The following NEK11 variants were observed in gnomAD, a reference collection of about 807,000 sequenced individuals.
NEK11 encodes serine/threonine-protein kinase Nek11.
Under a neutral mutation model 80.7 loss-of-function variants are expected in NEK11, and 72 were observed. The observed-to-expected ratio is 0.89, with a 90% CI of 0.74 to 1.08. NEK11 has a LOEUF of 1.08. Among genes scored for constraint, NEK11 ranks in the 50% least tolerant of loss-of-function variants. The pLI is 0.00. For missense variants in NEK11, 764 were observed against 763.6 expected (o/e 1.00, Z -0.01); for synonymous variants, 251 against 260.7 (o/e 0.96, Z 0.36).
intron 16 of NEK11, among the ~76,000 whole-genome samples, chr3:131,259,841 G>A (rs1309356603): frequency 6.6e-6 from 1 of 152,212 alleles, no homozygotes; most frequent in Admixed American, 6.5e-5. Flanking sequence ...AGCTGGGGTA[G>A]CAAGTTCTTC....
chr3:131,127,918 TTTTA>T, intron 5 of NEK11, among the ~76,000 whole-genome samples: 1 of 152,328 alleles, frequency 6.6e-6, no homozygotes, highest in South Asian at 2.1e-4. Flanking sequence ...GGGTTTAGTT[TTTTA>T]CTAAGATACC....
intron 3 of NEK11, among the ~76,000 whole-genome samples, chr3:131,069,743 C>T (rs953018591): frequency 4.6e-5 from 7 of 150,918 alleles, no homozygotes; most frequent in East Asian, 1.9e-4. Context: ...AACTAAACAC[C>T]GCATATTCTC....
At chr3:131,163,221 G>A (rs146413707) in intron 11 of NEK11, among the ~76,000 whole-genome samples, 1 of 152,176 alleles carries the variant, frequency 6.6e-6, no homozygotes, top group African/African-American at 2.4e-5. Context: ...ATATGATCTG[G>A]CAATCCTACA....
In NEK11 at chr3:131,297,868, G is replaced by A. The variant is rs942367533; in HGVS notation, c.1718+24294G>A. On this transcript the variant is annotated intron_variant, in intron 17 of 17. Transcript: ENST00000383366. ...AGGTGTAAGGAAGGGATCCAGTTTC[G>A]GCTTTCTACATATGGCTAGCCAGTT... Among the ~76,000 whole-genome samples the A allele has an allele frequency of 1.2e-3, 178 of 151,998 alleles. 2 individuals are homozygous for A. Among genetic ancestry groups the A allele is most frequent in the South Asian group, 9.6e-3 (46 of 4,800 alleles).
chr3:131,241,313 T>C (rs1427071233), intron 15 of NEK11, among the ~76,000 whole-genome samples: 1 of 152,134 alleles, frequency 6.6e-6, no homozygotes, highest in Non-Finnish European at 1.5e-5. Flanking sequence ...TGTGTAAAGA[T>C]AGTCATTGCA....
intron 14 of NEK11, among the ~76,000 whole-genome samples, chr3:131,183,435 TC>T (rs1359981898): frequency 2.0e-5 from 3 of 152,144 alleles, no homozygotes; most frequent in Non-Finnish European, 4.4e-5. Flanking sequence ...ATTCTCTCCC[TC>T]CCCCTGGCCC....
intron 16 of NEK11, among the ~76,000 whole-genome samples, chr3:131,271,050 C>T (rs962898094): frequency 3.3e-5 from 5 of 152,160 alleles, no homozygotes; most frequent in African/African-American, 1.2e-4. Context: ...ACTCCCCAAG[C>T]TTCCTGGGGA....
At chr3:131,163,372 TGTG>T (rs2091867600) in intron 11 of NEK11, among the ~76,000 whole-genome samples, 1 of 152,128 alleles carries the variant, frequency 6.6e-6, no homozygotes, top group Non-Finnish European at 1.5e-5. Flanking sequence ...ATAAATAAAA[TGTG>T]GTATAAATAC....
chr3:131,045,114 G>A (rs1257461801), intron 3 of NEK11, among the ~76,000 whole-genome samples: 3 of 152,118 alleles, frequency 2.0e-5, no homozygotes, highest in African/African-American at 7.2e-5. Context: ...GACACAGCTA[G>A]GGCAGTGTTT....
intron 17 of NEK11, among the ~76,000 whole-genome samples, chr3:131,313,705 C>A (rs1432867949): frequency 6.6e-6 from 1 of 152,142 alleles, no homozygotes; most frequent in Non-Finnish European, 1.5e-5. Context: ...TGTCTCCATG[C>A]AAAATTTTGC....
chr3:131,171,919 A>G (rs138685296), intron 14 of NEK11, among the ~76,000 whole-genome samples: 2 of 152,338 alleles, frequency 1.3e-5, no homozygotes, highest in Admixed American at 1.3e-4. Flanking sequence ...AGCAGATGCT[A>G]AGACTAGACT....
chr3:131,060,627 C>A (rs2070682835), intron 3 of NEK11, among the ~76,000 whole-genome samples: 1 of 152,104 alleles, frequency 6.6e-6, no homozygotes, highest in African/African-American at 2.4e-5. Flanking sequence ...CAAAATTTAG[C>A]AAATCAAATG....
chr3:131,328,295 T>TA (rs2097009856), intron 17 of NEK11: 1 of 151,206 alleles, frequency 6.6e-6, no homozygotes. Context: ...CTAAAAATAA[T>TA]ATAAATAAAT....
chr3:131,122,467 G>T (rs2149480333), intron 5 of NEK11, among the ~76,000 whole-genome samples: 1 of 152,362 alleles, frequency 6.6e-6, no homozygotes, highest in East Asian at 1.9e-4. Context: ...GACTCATTGT[G>T]TTAGTGAGGG....
chr3:131,034,140 T>G (rs965896883), intron 3 of NEK11, among the ~76,000 whole-genome samples: 1 of 152,206 alleles, frequency 6.6e-6, no homozygotes, highest in Admixed American at 6.5e-5. Flanking sequence ...ACTTTGGCCC[T>G]TAACATTAGC....
chr3:131,080,337 T>G, intron 3 of NEK11, 86 bp from the exon 4 acceptor site: 1 of 978,506 alleles, frequency 1.0e-6, no homozygotes, highest in Non-Finnish European at 1.5e-6. Context: ...AACCTGGGCA[T>G]TAATTAATGG....
At chr3:131,031,442 T>C (rs1400798457) in intron 3 of NEK11, among the ~76,000 whole-genome samples, 2 of 152,198 alleles carry the variant, frequency 1.3e-5, no homozygotes, top group Non-Finnish European at 2.9e-5. Context: ...CCAGTACTTC[T>C]AAAAACTACA....
intron 17 of NEK11, among the ~76,000 whole-genome samples, chr3:131,349,307 G>C (rs11927106): frequency 0.017 from 2,534 of 152,206 alleles, 69 homozygotes; most frequent in African/African-American, 0.057. Flanking sequence ...CACAAGGGCA[G>C]GACTTTGCCT....
chr3:131,333,077 G>C (rs2097121069), intron 17 of NEK11, among the ~76,000 whole-genome samples: 1 of 152,184 alleles, frequency 6.6e-6, no homozygotes, highest in Non-Finnish European at 1.5e-5. Flanking sequence ...CCCCAATCTA[G>C]CAAGGCAGGC....
Sources: allele counts gnomAD v4.1 joint callset (sites outside exome capture counted in the v4.1 genomes callset), GRCh38; gene constraint gnomAD v4.1.1; transcripts MANE v1.5; gene names NCBI Gene and HGNC (gene_info 2026-07-23, HGNC 2026-07-21).